The following DOK6 variants were observed in gnomAD, a reference collection of about 807,000 sequenced individuals.
DOK6 encodes docking protein 6.
Under a neutral mutation model 44.0 loss-of-function variants are expected in DOK6, and 22 were observed. The observed-to-expected ratio is 0.50, with a 90% CI of 0.36 to 0.71. The LOEUF (loss-of-function observed/expected upper bound fraction) is 0.71. DOK6 is among the 30% of genes least tolerant of loss of function. DOK6 has a pLI of 0.00. For synonymous variants in DOK6, 166 were observed against 145.5 expected (o/e 1.14, Z -1.01); for missense variants, 340 against 416.4 (o/e 0.82, Z 1.60).
At chr18:69,466,847 C>T (rs1979942894) in intron 1 of DOK6, among the ~76,000 whole-genome samples, 1 of 151,816 alleles carries the variant, frequency 6.6e-6, no homozygotes, top group Non-Finnish European at 1.5e-5. Context: ...GGAGAGAAGG[C>T]CCCCTCTTCT....
At chr18:69,564,234 T>A (rs1449076740) in intron 1 of DOK6, among the ~76,000 whole-genome samples, 1 of 152,262 alleles carries the variant, frequency 6.6e-6, no homozygotes, top group African/African-American at 2.4e-5. Context: ...GACATCCAGA[T>A]GATTTAGTTA....
At chr18:69,475,962 G>T (rs1980248467) in intron 1 of DOK6, among the ~76,000 whole-genome samples, 1 of 151,684 alleles carries the variant, frequency 6.6e-6, no homozygotes, top group Admixed American at 6.6e-5. Context: ...GTGTGATGCT[G>T]AAGTTTGGAG....
At chr18:69,790,095 C>T (rs1239038831) in intron 7 of DOK6, among the ~76,000 whole-genome samples, 2 of 152,196 alleles carry the variant, frequency 1.3e-5, no homozygotes, top group East Asian at 3.9e-4. Context: ...TTATCTGTGA[C>T]CAGAGATTTT....
At chr18:69,418,049 C>T (rs919687469) in intron 1 of DOK6, among the ~76,000 whole-genome samples, 1 of 152,100 alleles carries the variant, frequency 6.6e-6, no homozygotes, top group Admixed American at 6.6e-5. Context: ...TCTGCAGAAG[C>T]TTTTAAACTT....
intron 7 of DOK6, among the ~76,000 whole-genome samples, chr18:69,779,659 G>C (rs988281070): frequency 6.6e-6 from 1 of 151,288 alleles, no homozygotes; most frequent in Admixed American, 6.6e-5. Context: ...AGATAATTTA[G>C]CTGTAACAAT....
rs374104896 is a variant in DOK6 at position 69,562,723 on chromosome 18, T to C, written c.67-1764T>C. On this transcript the variant is annotated intron_variant, in intron 1 of 7. Coordinates refer to ENST00000382713, the MANE Select transcript of DOK6 (RefSeq NM_152721.6). ...TAGAAGAAAACCTAGGTAATACCATTCAGGACATAGGCATGGGCAAGGACT... is the reference window on the plus strand; with the variant it reads ...TAGAAGAAAACCTAGGTAATACCATCCAGGACATAGGCATGGGCAAGGACT... 2.0e-5 allele frequency among the ~76,000 whole-genome samples: 3 copies of C among 152,186 alleles called. No homozygotes were observed. The South Asian group carries it at 6.2e-4, about 32-fold the overall frequency.
chr18:69,628,120 C>A (rs1283997603), intron 3 of DOK6, among the ~76,000 whole-genome samples: 1 of 151,990 alleles, frequency 6.6e-6, no homozygotes, highest in Non-Finnish European at 1.5e-5. Context: ...AGTGTTTCCC[C>A]AAATTGTCTT....
At chr18:69,521,294 T>C (rs1981677658) in intron 1 of DOK6, among the ~76,000 whole-genome samples, 1 of 151,868 alleles carries the variant, frequency 6.6e-6, no homozygotes, top group Non-Finnish European at 1.5e-5. Flanking sequence ...GTTAAAATAA[T>C]TTGTAATCTC....
chr18:69,401,926 C>G (rs1018166000), intron 1 of DOK6, among the ~76,000 whole-genome samples: 1 of 152,196 alleles, frequency 6.6e-6, no homozygotes, highest in Non-Finnish European at 1.5e-5. Flanking sequence ...GTCACTGCTC[C>G]GTGACGGCAA....
intron 7 of DOK6, among the ~76,000 whole-genome samples, chr18:69,812,539 C>T (rs564004422): frequency 1.5e-4 from 23 of 152,118 alleles, no homozygotes; most frequent in Non-Finnish European, 3.1e-4. Flanking sequence ...TGATGGACAG[C>T]TCCTTACCAG....
intron 1 of DOK6, among the ~76,000 whole-genome samples, chr18:69,403,679 A>T (rs1916145020): frequency 6.6e-6 from 1 of 152,166 alleles, no homozygotes; most frequent in East Asian, 1.9e-4. Flanking sequence ...ATACTTTTCT[A>T]TTCAGAATAT....
chr18:69,658,983 G>A (rs956529695), intron 3 of DOK6, among the ~76,000 whole-genome samples: 1 of 152,170 alleles, frequency 6.6e-6, no homozygotes, highest in Non-Finnish European at 1.5e-5. Context: ...CCTTAAGAAG[G>A]CTATTTTTTC....
intron 1 of DOK6, among the ~76,000 whole-genome samples, chr18:69,513,068 A>G (rs1196504752): frequency 6.6e-6 from 1 of 152,094 alleles, no homozygotes; most frequent in Non-Finnish European, 1.5e-5. Flanking sequence ...GATTGAATTT[A>G]ATCTTGAGAT....
intron 1 of DOK6, among the ~76,000 whole-genome samples, chr18:69,448,501 A>T (rs1979361282): frequency 6.6e-6 from 1 of 152,104 alleles, no homozygotes; most frequent in Non-Finnish European, 1.5e-5. Context: ...CCTTCTAAGT[A>T]GCTGAGATTA....
At chr18:69,782,658 G>A (rs537361623) in intron 7 of DOK6, among the ~76,000 whole-genome samples, 67 of 152,206 alleles carry the variant, frequency 4.4e-4, no homozygotes, top group Non-Finnish European at 7.8e-4. Context: ...CAGCACTTTG[G>A]GAGGCTGAGG....
At chr18:69,828,365 T>C (rs922256176) in intron 7 of DOK6, among the ~76,000 whole-genome samples, 2 of 151,870 alleles carry the variant, frequency 1.3e-5, no homozygotes, top group Admixed American at 6.6e-5. Flanking sequence ...ATAAACTTCA[T>C]AATTATTCAA....
At chr18:69,536,621 T>G (rs577545107) in intron 1 of DOK6, among the ~76,000 whole-genome samples, 1 of 152,302 alleles carries the variant, frequency 6.6e-6, no homozygotes, top group Non-Finnish European at 1.5e-5. Context: ...TGTTTGAATT[T>G]TTATTCTTGG....
intron 3 of DOK6, among the ~76,000 whole-genome samples, chr18:69,666,474 C>A (rs781346817): frequency 6.6e-6 from 1 of 152,100 alleles, no homozygotes; most frequent in African/African-American, 2.4e-5. Flanking sequence ...TAGGCACGCA[C>A]CTGTAACAAA....
At chr18:69,429,017 C>A (rs895447306) in intron 1 of DOK6, among the ~76,000 whole-genome samples, 1 of 152,154 alleles carries the variant, frequency 6.6e-6, no homozygotes, top group Non-Finnish European at 1.5e-5. Context: ...TGATGAAAGG[C>A]CTAACATTGC....
Sources: allele counts gnomAD v4.1 joint callset (sites outside exome capture counted in the v4.1 genomes callset), GRCh38; gene constraint gnomAD v4.1.1; transcripts MANE v1.5; gene names NCBI Gene and HGNC (gene_info 2026-07-23, HGNC 2026-07-21).